GRIK4: variants seen among roughly 807,000 people sequenced by gnomAD.
The protein encoded by GRIK4 is glutamate ionotropic receptor kainate type subunit 4.
GRIK4 carries 40 observed loss-of-function variants against 104.9 expected under a neutral mutation model. That is an observed-to-expected ratio of 0.38 (90% CI 0.30 to 0.50). The LOEUF is 0.50. Ranked by LOEUF, GRIK4 falls within the 20% of genes least tolerant of loss-of-function variation. The pLI is 0.93. For synonymous variants in GRIK4, 485 were observed against 524.9 expected (o/e 0.92, Z 1.04); for missense variants, 1,047 against 1,308.1 (o/e 0.80, Z 3.08).
At chr11:120,578,793 C>T (rs1278266058) in intron 1 of GRIK4, among the ~76,000 whole-genome samples, 1 of 152,232 alleles carries the variant, frequency 6.6e-6, no homozygotes, top group African/African-American at 2.4e-5. Context: ...TTTCTGGTAA[C>T]ACCCTGCTAT....
chr11:120,764,160 G>A lies in GRIK4; in HGVS notation c.83-38533G>A, dbSNP rs149455874. ...GGGTGCATATATATTTAGATAGTTA[G>A]CTCTTCTTGTTGCATTGATCCCTTT... On this transcript the variant is annotated intron_variant, in intron 3 of 20. Coordinates refer to ENST00000527524, the MANE Select transcript of GRIK4 (RefSeq NM_014619.5). 1.8e-3 allele frequency among the ~76,000 whole-genome samples: 280 copies of A among 152,260 alleles called. 2 individuals are homozygous for A. Among genetic ancestry groups the A allele is most frequent in the Middle Eastern group, 6.8e-3 (2 of 294 alleles).
In GRIK4 at chr11:120,547,688, A is replaced by G. The variant is rs139388106; in HGVS notation, c.-159+35801A>G. Among the ~76,000 whole-genome samples the G allele has an allele frequency of 3.7e-4, 56 of 152,174 alleles. 1 individual carries two copies. In the East Asian group the frequency reaches 0.011, roughly 29 times the overall value. Reference sequence around the variant, plus strand: ...AATCTTTCTTAGGGAGGGACCAGACATTACATGAGCTTGTCATCATTATTT... The same window carrying G: ...AATCTTTCTTAGGGAGGGACCAGACGTTACATGAGCTTGTCATCATTATTT... On this transcript the variant is annotated intron_variant, in intron 1 of 20. Coordinates refer to ENST00000527524, the MANE Select transcript of GRIK4 (RefSeq NM_014619.5).
chr11:120,715,154 C>A (rs1411258748), intron 3 of GRIK4, among the ~76,000 whole-genome samples: 1 of 152,170 alleles, frequency 6.6e-6, no homozygotes, highest in Non-Finnish European at 1.5e-5. Context: ...CACGGGGGCA[C>A]TAATGCTTAT....
chr11:120,565,504 G>A (rs141871298), intron 1 of GRIK4, among the ~76,000 whole-genome samples: 174 of 152,330 alleles, frequency 1.1e-3, no homozygotes, highest in African/African-American at 3.8e-3. Context: ...CGTGTGTGTA[G>A]TGCCTCCTGA....
rs376311702 is a variant in GRIK4 at position 120,874,165 on chromosome 11, G to A, written c.1006G>A (p.Gly336Ser). The A allele has an allele frequency of 2.8e-5, 45 of 1,613,626 alleles. No homozygotes were observed. Among genetic ancestry groups the A allele is most frequent in the African/African-American group, 5.3e-5 (4 of 74,912 alleles). Reference protein sequence around the residue: ...QEIGVKPLSCGSAQIWQHGTS... With the variant: ...QEIGVKPLSCSSAQIWQHGTS... Reference sequence around the variant, plus strand: ...GATCGGCGTGAAGCCCTTGTCCTGCGGCTCGGCCCAGATCTGGCAGCACGG... The same window carrying A: ...GATCGGCGTGAAGCCCTTGTCCTGCAGCTCGGCCCAGATCTGGCAGCACGG... The change falls in exon 10 of 21, where the codon GGC becomes AGC. Residue 336 changes from glycine to serine, a missense_variant. Gly to Ser is a moderately conservative substitution (Grantham distance 56). Coordinates refer to ENST00000527524, the MANE Select transcript of GRIK4 (RefSeq NM_014619.5).
At position 120,518,924 on chromosome 11, in the gene GRIK4, G is replaced by A. The variant is rs544172131; in HGVS notation, c.-159+7037G>A. 2.2e-4 allele frequency among the ~76,000 whole-genome samples: 34 copies of A among 152,336 alleles called. No homozygotes were observed. In the South Asian group the frequency reaches 6.8e-3, roughly 31 times the overall value. On this transcript the variant is annotated intron_variant, in intron 1 of 20. Coordinates refer to ENST00000527524, the MANE Select transcript of GRIK4 (RefSeq NM_014619.5). Reference sequence around the variant, plus strand: ...TGAGCCACTGTGCCTGGCTTAGCCTGTGTCTTTTGCTGGGTCTTGTGGCCC... The same window carrying A: ...TGAGCCACTGTGCCTGGCTTAGCCTATGTCTTTTGCTGGGTCTTGTGGCCC...
intron 8 of GRIK4, among the ~76,000 whole-genome samples, chr11:120,854,066 A>G (rs905780208): frequency 4.6e-5 from 7 of 152,382 alleles, no homozygotes; most frequent in African/African-American, 1.7e-4. Flanking sequence ...TGTGGTCGGG[A>G]GCCCCAAAAG....
intron 13 of GRIK4, among the ~76,000 whole-genome samples, chr11:120,937,831 A>G (rs1028500219): frequency 5.9e-5 from 9 of 152,248 alleles, no homozygotes; most frequent in African/African-American, 2.2e-4. Flanking sequence ...GCATAATGTC[A>G]CAGTTGGCCA....
chr11:120,595,174 T>C (rs1477064222), intron 1 of GRIK4, among the ~76,000 whole-genome samples: 1 of 152,218 alleles, frequency 6.6e-6, no homozygotes, highest in Non-Finnish European at 1.5e-5. Context: ...TGTTCCACTC[T>C]CCCTGGCCTT....
chr11:120,675,997 G>A (rs1950093916), intron 3 of GRIK4, among the ~76,000 whole-genome samples: 1 of 152,192 alleles, frequency 6.6e-6, no homozygotes, highest in Admixed American at 6.5e-5. Context: ...TAGTGGGGTT[G>A]CATTCCTGTC....
At chr11:120,519,619 C>G (rs1037699417) in intron 1 of GRIK4, among the ~76,000 whole-genome samples, 2 of 152,158 alleles carry the variant, frequency 1.3e-5, no homozygotes, top group African/African-American at 4.8e-5. Context: ...TGATAATAAC[C>G]TTAAGTTTAT....
chr11:120,879,675 G>C (rs1954910689), intron 11 of GRIK4, among the ~76,000 whole-genome samples: 1 of 152,208 alleles, frequency 6.6e-6, no homozygotes, highest in African/African-American at 2.4e-5. Context: ...GTTGTGCCCT[G>C]TCAGTGACAT....
At chr11:120,974,724 G>A (rs1282590830) in intron 19 of GRIK4, among the ~76,000 whole-genome samples, 3 of 151,870 alleles carry the variant, frequency 2.0e-5, no homozygotes, top group Admixed American at 6.6e-5. Context: ...TCGCTTCCTC[G>A]CCCCCTCTGA....
intron 1 of GRIK4, among the ~76,000 whole-genome samples, chr11:120,525,229 C>G (rs186230463): frequency 1.3e-5 from 2 of 152,112 alleles, no homozygotes; most frequent in African/African-American, 4.8e-5. Context: ...TGAGTCTAGC[C>G]GTCTCATTTC....
chr11:120,514,122 G>A (rs1162334189), intron 1 of GRIK4, among the ~76,000 whole-genome samples: 2 of 152,126 alleles, frequency 1.3e-5, no homozygotes, highest in Non-Finnish European at 2.9e-5. Flanking sequence ...GGGAGAGACT[G>A]CTCAGAAGGC....
At chr11:120,682,046 G>A (rs1249887283) in intron 3 of GRIK4, among the ~76,000 whole-genome samples, 2 of 152,300 alleles carry the variant, frequency 1.3e-5, no homozygotes, top group Admixed American at 6.5e-5. Flanking sequence ...TCTCAGCATC[G>A]AGGAGTGAGA....
At chr11:120,701,930 C>G (rs1200669002) in intron 3 of GRIK4, among the ~76,000 whole-genome samples, 3 of 144,350 alleles carry the variant, frequency 2.1e-5, no homozygotes, top group South Asian at 4.4e-4. Context: ...GTAAGAGAGA[C>G]AGATCAAGGG....
intron 6 of GRIK4, among the ~76,000 whole-genome samples, chr11:120,831,285 C>T (rs75554540): frequency 6.6e-6 from 1 of 152,246 alleles, no homozygotes; most frequent in African/African-American, 2.4e-5. Flanking sequence ...AAGGCTCTTA[C>T]AGAGCCCAGT....
intron 3 of GRIK4, among the ~76,000 whole-genome samples, chr11:120,661,022 G>A (rs1206683238): frequency 1.3e-5 from 2 of 152,178 alleles, no homozygotes; most frequent in African/African-American, 4.8e-5. Context: ...GGGCGGGTCT[G>A]GGAAGTCAGG....
Sources: allele counts gnomAD v4.1 joint callset (sites outside exome capture counted in the v4.1 genomes callset), GRCh38; gene constraint gnomAD v4.1.1; transcripts MANE v1.5; gene names NCBI Gene and HGNC (gene_info 2026-07-23, HGNC 2026-07-21).